PLEKHG1: variants seen among roughly 807,000 people sequenced by gnomAD.
The protein encoded by PLEKHG1 is pleckstrin homology domain-containing family G member 1.
Under a neutral mutation model 100.8 loss-of-function variants are expected in PLEKHG1, and 44 were observed. The observed-to-expected ratio is 0.44, with a 90% CI of 0.34 to 0.56. PLEKHG1 has a LOEUF of 0.56. PLEKHG1 is among the 20% of genes least tolerant of loss of function. The pLI is 0.01. For missense variants in PLEKHG1, 1,545 were observed against 1,720.9 expected (o/e 0.90, Z 1.81); for synonymous variants, 640 against 662.5 (o/e 0.97, Z 0.52).
intron 1 of PLEKHG1, among the ~76,000 whole-genome samples, chr6:150,603,030 C>G (rs941359780): frequency 7.6e-5 from 10 of 132,430 alleles, no homozygotes; most frequent in African/African-American, 2.8e-4. Flanking sequence ...TGCAGTGAGC[C>G]GAGATCGCGC....
At chr6:150,755,755 C>T (rs1219131691) in intron 2 of PLEKHG1, among the ~76,000 whole-genome samples, 2 of 152,174 alleles carry the variant, frequency 1.3e-5, no homozygotes, top group African/African-American at 2.4e-5. Flanking sequence ...CTCGCTACAT[C>T]GGGAGCCAGC....
chr6:150,705,817 G>A (rs182205983), intron 3 of PLEKHG1, among the ~76,000 whole-genome samples: 16 of 152,220 alleles, frequency 1.1e-4, no homozygotes, highest in Admixed American at 2.6e-4. Context: ...TGGAGGCCTC[G>A]GTGTGTTAAA....
chr6:150,841,369 C>A (rs976769567), exon 16 of PLEKHG1: 1 of 201,720 alleles, frequency 5.0e-6, no homozygotes, highest in Non-Finnish European at 1.0e-5. Context: ...TGTGGTAACA[C>A]CTTAGGATAA....
chr6:150,795,969 A>G (rs1786307152), intron 5 of PLEKHG1, 67 bp downstream of exon 6: 1 of 985,202 alleles, frequency 1.0e-6, no homozygotes, highest in Non-Finnish European at 1.6e-6. Context: ...CAGCTGGTGC[A>G]GTACACATGG....
intron 14 of PLEKHG1, among the ~76,000 whole-genome samples, chr6:150,826,978 T>C (rs1277192133): frequency 6.6e-6 from 1 of 151,658 alleles, no homozygotes; most frequent in Non-Finnish European, 1.5e-5. Flanking sequence ...CTTTCTTCCT[T>C]CCTTTCCTTT....
At chr6:150,620,299 T>C (rs1026736631) in intron 1 of PLEKHG1, among the ~76,000 whole-genome samples, 1 of 152,226 alleles carries the variant, frequency 6.6e-6, no homozygotes, top group Non-Finnish European at 1.5e-5. Flanking sequence ...GAGCCCTGAA[T>C]ACTGGGAGGC....
chr6:150,646,322 C>T (rs775169509), intron 2 of PLEKHG1, among the ~76,000 whole-genome samples: 3 of 141,904 alleles, frequency 2.1e-5, no homozygotes, highest in South Asian at 4.9e-4. Context: ...GTCTCGGTGG[C>T]CCTGATTGGT....
intron 3 of PLEKHG1, among the ~76,000 whole-genome samples, chr6:150,707,411 C>T (rs1461155688): frequency 6.6e-6 from 1 of 152,092 alleles, no homozygotes; most frequent in Non-Finnish European, 1.5e-5. Context: ...AGTACAGTGT[C>T]CGGATGTGCC....
At chr6:150,698,733 C>T (rs1293711147) in intron 3 of PLEKHG1, among the ~76,000 whole-genome samples, 3 of 152,096 alleles carry the variant, frequency 2.0e-5, no homozygotes, top group Non-Finnish European at 4.4e-5. Flanking sequence ...TATGTCTGGG[C>T]AGGGTTAGGT....
intron 3 of PLEKHG1, among the ~76,000 whole-genome samples, chr6:150,678,877 A>G (rs141390229): frequency 0.01 from 1,543 of 152,296 alleles, 25 homozygotes; most frequent in South Asian, 0.07. Flanking sequence ...TGATTAGAAA[A>G]CCTGGGTTTT....
rs374151791 is a variant in PLEKHG1 at position 150,728,621 on chromosome 6, G to A, written c.-98-4963G>A. Among the ~76,000 whole-genome samples the A allele has an allele frequency of 2.7e-4, 41 of 151,722 alleles. No individual in the cohort carries two copies. The East Asian group carries it at 4.1e-3, about 15-fold the overall frequency. ...AATTTAAAATAAAAAAAGTAGGCCG[G>A]GCTCAGTGGCTCACACCTGTAATCC... On this transcript the variant is annotated intron_variant, in intron 1 of 15. Coordinates refer to ENST00000358517, the Ensembl canonical transcript of PLEKHG1.
At chr6:150,837,281 CTA>C (rs1777281302) in intron 15 of PLEKHG1, among the ~76,000 whole-genome samples, 1 of 152,194 alleles carries the variant, frequency 6.6e-6, no homozygotes, top group Non-Finnish European at 1.5e-5. Context: ...TAGGTACACA[CTA>C]TGTAAGACTT....
At chr6:150,637,861 C>T (rs943091134) in intron 1 of PLEKHG1, among the ~76,000 whole-genome samples, 3 of 152,182 alleles carry the variant, frequency 2.0e-5, no homozygotes, top group Non-Finnish European at 4.4e-5. Flanking sequence ...ACCTAGAAAT[C>T]GAGTAGGTGG....
intron 7 of PLEKHG1, among the ~76,000 whole-genome samples, chr6:150,805,525 G>C (rs374683343): frequency 2.0e-5 from 3 of 151,512 alleles, no homozygotes; most frequent in Non-Finnish European, 4.4e-5. Flanking sequence ...ATGTCATTTC[G>C]GTTTCCTTTT....
chr6:150,714,484 A>C (rs1037006794), intron 3 of PLEKHG1, among the ~76,000 whole-genome samples: 9 of 152,200 alleles, frequency 5.9e-5, no homozygotes, highest in Non-Finnish European at 1.2e-4. Context: ...GACTGTTGAA[A>C]GGTATACGAT....
intron 3 of PLEKHG1, among the ~76,000 whole-genome samples, chr6:150,670,955 A>G (rs1779561492): frequency 6.7e-6 from 1 of 149,224 alleles, no homozygotes; most frequent in African/African-American, 2.5e-5. Context: ...GAGTTCCCAC[A>G]TACCAGTGAG....
chr6:150,641,539 C>G (rs1203557239), intron 2 of PLEKHG1, among the ~76,000 whole-genome samples: 4 of 152,186 alleles, frequency 2.6e-5, no homozygotes, highest in African/African-American at 9.7e-5. Context: ...CTCTTACTTT[C>G]CTCATGGGCT....
chr6:150,735,046 G>A (rs1214337408), intron 2 of PLEKHG1, among the ~76,000 whole-genome samples: 2 of 144,890 alleles, frequency 1.4e-5, no homozygotes, highest in Admixed American at 7.1e-5. Flanking sequence ...GAGTGCAATG[G>A]TGCGATCTTG....
exon 7 of PLEKHG1, chr6:150,804,701 A>G (rs1786948090): frequency 1.9e-6 from 3 of 1,613,956 alleles, no homozygotes; most frequent in Non-Finnish European, 2.5e-6. Flanking sequence ...TGGCATATCA[A>G]TGACATGAAG....
Sources: allele counts gnomAD v4.1 joint callset (sites outside exome capture counted in the v4.1 genomes callset), GRCh38; gene constraint gnomAD v4.1.1; transcripts MANE v1.5; gene names NCBI Gene and HGNC (gene_info 2026-07-23, HGNC 2026-07-21).